GALNTL6: variants seen among roughly 807,000 people sequenced by gnomAD.
GALNTL6 encodes polypeptide N-acetylgalactosaminyltransferase like 6, also known as polypeptide N-acetylgalactosaminyltransferase-like 6.
In GALNTL6, 46 loss-of-function variants were observed where a neutral mutation model predicts 73.7. The observed-to-expected ratio is 0.62, with a 90% CI of 0.49 to 0.80. The LOEUF is 0.80. GALNTL6 is among the 30% of genes least tolerant of loss of function. GALNTL6 has a pLI of 0.00. For missense variants in GALNTL6, 604 were observed against 755.0 expected (o/e 0.80, Z 2.34); for synonymous variants, 259 against 263.7 (o/e 0.98, Z 0.17).
chr4:172,194,025 A>G (rs1044853887), intron 2 of GALNTL6, among the ~76,000 whole-genome samples: 1 of 152,230 alleles, frequency 6.6e-6, no homozygotes, highest in African/African-American at 2.4e-5. Flanking sequence ...GAAGGTGGGT[A>G]GTAACAAACT....
At chr4:172,557,261 T>C (rs1029832682) in intron 5 of GALNTL6, among the ~76,000 whole-genome samples, 9 of 152,166 alleles carry the variant, frequency 5.9e-5, no homozygotes, top group African/African-American at 2.2e-4. Flanking sequence ...CAAGTGAAAG[T>C]ACTTATAGTA....
chr4:173,009,141 A>G (rs1438383757), intron 10 of GALNTL6, 37 bp from the exon 11 acceptor site: 4 of 1,363,084 alleles, frequency 2.9e-6, no homozygotes, highest in South Asian at 2.3e-5. Flanking sequence ...AAAATACGAC[A>G]TAGCCCCACA....
At chr4:172,673,549 C>A (rs1291507060) in intron 5 of GALNTL6, among the ~76,000 whole-genome samples, 1 of 152,138 alleles carries the variant, frequency 6.6e-6, no homozygotes, top group Non-Finnish European at 1.5e-5. Context: ...TCTTGATGAT[C>A]TGTCCAATAT....
chr4:172,908,690 A>G (rs1747033628), intron 8 of GALNTL6, among the ~76,000 whole-genome samples: 1 of 151,486 alleles, frequency 6.6e-6, no homozygotes, highest in African/African-American at 2.4e-5. Context: ...AAAAGAAACC[A>G]CCCAAAGGAT....
At chr4:172,151,938 ATATCTATCTATCTATC>A (rs10528560) in intron 2 of GALNTL6, among the ~76,000 whole-genome samples, 37,564 of 146,440 alleles carry the variant, frequency 0.26, 5,454 homozygotes, top group South Asian at 0.41. Context: ...ATATAAATTT[ATATCTATCTATCTATC>A]TATCTATCTA....
intron 2 of GALNTL6, among the ~76,000 whole-genome samples, chr4:171,956,134 C>A (rs1170768759): frequency 2.3e-5 from 1 of 42,568 alleles, no homozygotes; most frequent in Non-Finnish European, 4.6e-5. Flanking sequence ...TCCAGAGTAG[C>A]GGGACTACAG....
intron 2 of GALNTL6, chr4:171,815,847 G>A (rs535832267): frequency 6.6e-6 from 1 of 152,070 alleles, no homozygotes. Flanking sequence ...GAGGTAATCT[G>A]CTTTTTCATT....
At chr4:172,477,990 C>G (rs1470452461) in intron 5 of GALNTL6, among the ~76,000 whole-genome samples, 1 of 152,092 alleles carries the variant, frequency 6.6e-6, no homozygotes, top group Admixed American at 6.5e-5. Flanking sequence ...AGATAATGAC[C>G]TGGAGGTAGT....
chr4:172,350,587 T>G (rs1247740340), intron 5 of GALNTL6, among the ~76,000 whole-genome samples: 2 of 152,156 alleles, frequency 1.3e-5, no homozygotes, highest in African/African-American at 4.8e-5. Context: ...ACTTTAACGC[T>G]TAGGTAAAAC....
intron 5 of GALNTL6, among the ~76,000 whole-genome samples, chr4:172,761,019 G>A (rs1415909905): frequency 6.6e-6 from 1 of 152,194 alleles, no homozygotes; most frequent in African/African-American, 2.4e-5. Context: ...TTCCTGATTA[G>A]GCAACTTTGG....
Position 172,895,404 on chromosome 4 carries a change from T to TA in GALNTL6, c.1041+12497_1041+12498insA, listed in dbSNP as rs1399858586. On this transcript the variant is annotated intron_variant, in intron 8 of 12. Transcript: ENST00000506823. ...TTTTGTTATATATATATATATATAT[T>TA]TTTTTTTTGCTTTCAGCACTCTGAA... Among the ~76,000 whole-genome samples, 959 of 146,958 alleles carry TA rather than the reference T, an allele frequency of 6.5e-3. 6 individuals carry two copies. The highest frequency in any genetic ancestry group is 8.7e-3 in the East Asian group (44 of 5,034).
intron 5 of GALNTL6, among the ~76,000 whole-genome samples, chr4:172,391,171 A>C (rs1334720903): frequency 6.6e-6 from 1 of 152,136 alleles, no homozygotes; most frequent in Admixed American, 6.5e-5. Context: ...ATTTATAAGG[A>C]ATAGAAATTT....
intron 2 of GALNTL6, among the ~76,000 whole-genome samples, chr4:171,985,575 T>C (rs1211595711): frequency 6.6e-6 from 1 of 152,052 alleles, no homozygotes; most frequent in East Asian, 1.9e-4. Context: ...CTACCACACT[T>C]CCATGGATTA....
At chr4:172,955,538 A>G (rs1328394056) in intron 10 of GALNTL6, among the ~76,000 whole-genome samples, 3 of 152,182 alleles carry the variant, frequency 2.0e-5, no homozygotes, top group Non-Finnish European at 4.4e-5. Context: ...AAAAAAAAAG[A>G]CTTTCAAAAT....
In GALNTL6 at chr4:171,860,933, C is replaced by T. The variant is rs530590752; in HGVS notation, c.138+46215C>T. Among the ~76,000 whole-genome samples the T allele has an allele frequency of 5.3e-5, 8 of 152,296 alleles. No individual in the cohort carries two copies. The South Asian group carries it at 1.7e-3, about 32-fold the overall frequency. ...AAAGTCTTCCAGAATAGAACAACCT[C>T]TGATACCTCCTCCATTCAGCATTCA... On this transcript the variant is annotated intron_variant, in intron 2 of 12. Coordinates refer to ENST00000506823, the MANE Select transcript of GALNTL6 (RefSeq NM_001034845.3).
At chr4:171,986,270 T>A (rs1189074842) in intron 2 of GALNTL6, among the ~76,000 whole-genome samples, 1 of 147,378 alleles carries the variant, frequency 6.8e-6, no homozygotes, top group African/African-American at 2.5e-5. Flanking sequence ...AAAATTACAG[T>A]CAAAGGGGGG....
chr4:172,475,314 T>A (rs1429796757), intron 5 of GALNTL6, among the ~76,000 whole-genome samples: 2 of 152,198 alleles, frequency 1.3e-5, no homozygotes, highest in Non-Finnish European at 2.9e-5. Context: ...GTGTTATGAT[T>A]CATGGTAAAT....
intron 5 of GALNTL6, among the ~76,000 whole-genome samples, chr4:172,382,533 T>A (rs1001811331): frequency 3.9e-5 from 6 of 152,076 alleles, no homozygotes; most frequent in Admixed American, 1.3e-4. Flanking sequence ...TGTAAGCATA[T>A]TCTTCTATTG....
rs150128479 is a variant in GALNTL6, at chr4:172,736,368, G to A, written c.554-72993G>A. Among the ~76,000 whole-genome samples, 87 of 152,252 alleles carry A rather than the reference G, an allele frequency of 5.7e-4. 1 individual carries two copies. In the East Asian group the frequency reaches 0.014, roughly 25 times the overall value. On this transcript the variant is annotated intron_variant, in intron 5 of 12. Coordinates refer to ENST00000506823, the MANE Select transcript of GALNTL6 (RefSeq NM_001034845.3). ...GAATTCAGTGATATTTCCCCTATTCGCTTTTGCGAGAAGAGAAATATGACT... is the reference window on the plus strand; with the variant it reads ...GAATTCAGTGATATTTCCCCTATTCACTTTTGCGAGAAGAGAAATATGACT...
Sources: allele counts gnomAD v4.1 joint callset (sites outside exome capture counted in the v4.1 genomes callset), GRCh38; gene constraint gnomAD v4.1.1; transcripts MANE v1.5; gene names NCBI Gene and HGNC (gene_info 2026-07-23, HGNC 2026-07-21).